DHCR24: variants seen among roughly 807,000 people sequenced by gnomAD.
DHCR24 encodes the protein 24-dehydrocholesterol reductase.
Under a neutral mutation model 61.2 loss-of-function variants are expected in DHCR24, and 28 were observed. That is an observed-to-expected ratio of 0.46 (90% CI 0.34 to 0.63). DHCR24 has a LOEUF of 0.63. Among genes scored for constraint, DHCR24 ranks in the 20% least tolerant of loss-of-function variants. The probability of loss-of-function intolerance (pLI) is 0.01; values close to 1 mark genes in which losing one functional copy is unlikely to be tolerated. For synonymous variants in DHCR24, 261 were observed against 275.9 expected, an observed-to-expected ratio of 0.95 and a Z score of 0.54; for missense variants, 538 against 679.1, an observed-to-expected ratio of 0.79 and a Z score of 2.31.
At position 54,854,230 on chromosome 1, in the gene DHCR24, A is replaced by T; in HGVS notation, c.1025T>A (p.Ile342Asn). 6.2e-7 allele frequency: 1 copy of T among 1,612,960 alleles called. No individual in the cohort carries two copies. The highest frequency in any genetic ancestry group is 8.5e-7 in the Non-Finnish European group (1 of 1,179,446). ...TRSIFWELQD[I>N]IPFGNNPIFR... ...GATGGGGTTGTTGCCAAAGGGGATA[A>T]TGTCCTGGAAAACAAAGATTAGGGT... The change falls in exon 7 of 9, where the codon ATT becomes AAT. Residue 342 changes from isoleucine (I) to asparagine (N), a missense_variant. Transcript: ENST00000371269.
chr1:54,872,806 G>A (rs1557436797), intron 4 of DHCR24, among the ~76,000 whole-genome samples: 1 of 152,182 alleles, frequency 6.6e-6, no homozygotes, highest in Non-Finnish European at 1.5e-5. Context: ...CCCCGCAAGC[G>A]TTCAGGAAAG....
Position 54,866,481 on chromosome 1 carries a change from G to A in DHCR24, c.877-1035C>T, listed in dbSNP as rs547080436. Among the ~76,000 whole-genome samples, 21 of 152,072 alleles carry A rather than the reference G, an allele frequency of 1.4e-4. No homozygotes were observed. The South Asian group carries it at 3.9e-3, about 29-fold the overall frequency. ...CTCCTGCCTCAGCCTCCTGAAAAAT[G>A]GGACCATCTTACACGTACTGTTTGC... On this transcript the variant is annotated intron_variant, in intron 5 of 8. Coordinates refer to ENST00000371269, the MANE Select transcript of DHCR24 (RefSeq NM_014762.4).
intron 5 of DHCR24, among the ~76,000 whole-genome samples, chr1:54,870,595 T>C (rs1315054507): frequency 6.6e-6 from 1 of 152,224 alleles, no homozygotes. Context: ...GTAAATGCTA[T>C]GTAACAGTTA....
intron 6 of DHCR24, among the ~76,000 whole-genome samples, chr1:54,857,141 T>C (rs755786064): frequency 6.6e-6 from 1 of 152,254 alleles, no homozygotes; most frequent in South Asian, 2.1e-4. Flanking sequence ...CCTGCCCTTC[T>C]CCTTTCCCGC....
In DHCR24 at chr1:54,883,608, C is replaced by G. The variant is rs1166831541; in HGVS notation, c.387+10G>C. On this transcript the variant is annotated intron_variant, in intron 2 of 8. Transcript: ENST00000371269. The surrounding 1 kb of genome is among the most constrained non-coding windows in gnomAD (Gnocchi z 4.3). ...CCTGCTCCCAGAGCCCGGAAAAGTG[C>G]TACTCTCACCTGTTTCTTGGTGTCC... 1.2e-6 allele frequency: 2 copies of G among 1,614,096 alleles called. No individual in the cohort carries two copies. The highest frequency in any genetic ancestry group is 1.3e-5 in the African/African-American group (1 of 74,940).
rs143342581 is a variant in DHCR24, at chr1:54,873,508, C to T, written c.612+1585G>A. 1.7e-3 allele frequency among the ~76,000 whole-genome samples: 262 copies of T among 152,214 alleles called. No individual in the cohort carries two copies. The South Asian group carries it at 0.024, about 14-fold the overall frequency. ...TCAGGCAGGTCCTTCAGGAGGTATTCCAGAAGAAGGCATTGTTGTCAGAGA... is the reference window on the plus strand; with the variant it reads ...TCAGGCAGGTCCTTCAGGAGGTATTTCAGAAGAAGGCATTGTTGTCAGAGA... On this transcript the variant is annotated intron_variant, in intron 4 of 8. Coordinates refer to ENST00000371269, the MANE Select transcript of DHCR24 (RefSeq NM_014762.4).
At chr1:54,885,395 C>A (rs1276884861) in intron 1 of DHCR24, among the ~76,000 whole-genome samples, 2 of 152,144 alleles carry the variant, frequency 1.3e-5, no homozygotes, top group Non-Finnish European at 2.9e-5. Context: ...ACAGCTATTA[C>A]AAGCCAGGTG....
Position 54,852,302 on chromosome 1 carries a change from T to C in DHCR24, c.1482A>G (p.Arg494=), listed in dbSNP as rs1292760747. ...MFDGSLYHKL[R]EKLGCQDAFP... is the part of the protein sequence containing the mutation. Reference sequence around the variant, plus strand: ...AGGCGTCCTGGCAACCCAGCTTCTCTCGCAGCTTGTGGTACAAGGAGCCAT... The same window carrying C: ...AGGCGTCCTGGCAACCCAGCTTCTCCCGCAGCTTGTGGTACAAGGAGCCAT... The change falls in exon 9 of 9, where the codon CGA becomes CGG. Residue 494 remains arginine, a synonymous_variant. Transcript: ENST00000371269. 6.2e-7 allele frequency: 1 copy of C among 1,614,198 alleles called. No homozygotes were observed. Among genetic ancestry groups the C allele is most frequent in the Non-Finnish European group, 8.5e-7 (1 of 1,180,050 alleles).
At chr1:54,855,958 T>G (rs554251495) in intron 6 of DHCR24, among the ~76,000 whole-genome samples, 2 of 142,436 alleles carry the variant, frequency 1.4e-5, no homozygotes, top group Non-Finnish European at 3.1e-5. Flanking sequence ...CCCTCCCTAA[T>G]GGCAAGCATT....
At chr1:54,855,450 T>G (rs919126578) in intron 6 of DHCR24, among the ~76,000 whole-genome samples, 3 of 150,642 alleles carry the variant, frequency 2.0e-5, no homozygotes, top group Non-Finnish European at 2.9e-5. Flanking sequence ...CCAGGTTCTA[T>G]GCTGGGTGCT....
At chr1:54,863,660 TA>T (rs1428648501) in intron 6 of DHCR24, among the ~76,000 whole-genome samples, 1 of 152,180 alleles carries the variant, frequency 6.6e-6, no homozygotes, top group Non-Finnish European at 1.5e-5. Context: ...AATTCTTATA[TA>T]TGGCACTAAA....
chr1:54,873,613 T>C (rs1647011163), intron 4 of DHCR24, among the ~76,000 whole-genome samples: 1 of 152,212 alleles, frequency 6.6e-6, no homozygotes, highest in Non-Finnish European at 1.5e-5. Context: ...ATTGATAATC[T>C]TGACTCTGTG....
intron 6 of DHCR24, among the ~76,000 whole-genome samples, chr1:54,855,743 C>T (rs776873361): frequency 3.9e-5 from 6 of 152,224 alleles, no homozygotes; most frequent in Admixed American, 6.5e-5. Context: ...TTAGATCCTG[C>T]GCCTTTGCCA....
At position 54,883,175 on chromosome 1, in the gene DHCR24, T is replaced by C. The variant is rs563354407; in HGVS notation, c.387+443A>G. Among the ~76,000 whole-genome samples the C allele has an allele frequency of 6.6e-6, 1 of 152,324 alleles. No individual in the cohort carries two copies. Among genetic ancestry groups the C allele is most frequent in the Admixed American group, 6.5e-5 (1 of 15,296 alleles). ...ATACTGAAGCCTATTTCCTTTTTCC[T>C]TAAGCCAGGTTTCGAGAAGTAAAAT... On this transcript the variant is annotated intron_variant, in intron 2 of 8. Coordinates refer to ENST00000371269, the MANE Select transcript of DHCR24 (RefSeq NM_014762.4). This position sits in a 1 kb window ranked among gnomAD's most constrained non-coding sequence, Gnocchi z 4.3.
rs2101553395 is a variant in DHCR24 at position 54,851,903 on chromosome 1, G to A, written c.*330C>T. ...AATGTGACCAGTGCTCAACTCAGAT[G>A]ACAACAACCTGCAAGTAGGTATTAC... On this transcript the variant is annotated 3_prime_UTR_variant, in exon 9 of 9. Transcript: ENST00000371269. 2.7e-6 allele frequency: 1 copy of A among 375,380 alleles called. No individual in the cohort carries two copies. 23.3% of individuals were successfully genotyped at this position (375,380 alleles called of 1,614,324 possible).
Position 54,871,551 on chromosome 1 carries a change from C to T in DHCR24, c.675G>A (p.Val225=). 1 of 1,614,176 alleles carries T rather than the reference C, an allele frequency of 6.2e-7. No individual in the cohort carries two copies. Residue 225 remains valine, a synonymous_variant, in exon 5 of 9, where the codon GTG becomes GTA. Coordinates refer to ENST00000371269, the MANE Select transcript of DHCR24 (RefSeq NM_014762.4). ...PWSCGTLGFL[V]AAEIRIIPAK... is the part of the protein sequence containing the mutation. ...CAGGGATGATGCGGATCTCAGCGGC[C>T]ACCAGGAAACCCAGCGTCCCACAGG...
chr1:54,875,330 C>A, intron 3 of DHCR24, 119 bp from the exon 4 acceptor site: 1 of 851,126 alleles, frequency 1.2e-6, no homozygotes, highest in Admixed American at 1.8e-5. Flanking sequence ...AGAAATGGGG[C>A]TGTTGACTTA....
intron 1 of DHCR24, among the ~76,000 whole-genome samples, chr1:54,885,120 A>AC (rs1339963719): frequency 6.6e-6 from 1 of 152,226 alleles, no homozygotes; most frequent in Non-Finnish European, 1.5e-5. Context: ...AGAAGGCTGC[A>AC]CTGGAGCTGG....
At chr1:54,879,315 T>G (rs1362313400) in intron 2 of DHCR24, among the ~76,000 whole-genome samples, 2 of 73,686 alleles carry the variant, frequency 2.7e-5, no homozygotes, top group Non-Finnish European at 4.7e-5. Flanking sequence ...AGAGCAAGAC[T>G]CCATCTGAAA....
Sources: allele counts gnomAD v4.1 joint callset (sites outside exome capture counted in the v4.1 genomes callset), GRCh38; gene constraint gnomAD v4.1.1; non-coding constraint Gnocchi (gnomAD v3.1); transcripts MANE v1.5; gene names NCBI Gene and HGNC (gene_info 2026-07-23, HGNC 2026-07-21).